Variants in CHST8 observed in about 807,000 individuals in gnomAD.
CHST8 encodes GALNAC-4-ST1.
A neutral mutation model predicts 15.0 loss-of-function variants in CHST8; 10 were observed. That is an observed-to-expected ratio of 0.67 (90% CI 0.41 to 1.13). CHST8 has a LOEUF of 1.13. CHST8 is among the 50% of genes most tolerant of loss of function. The pLI is 0.00. For synonymous variants in CHST8, 259 were observed against 256.6 expected (o/e 1.01, Z -0.09); for missense variants, 634 against 608.2 (o/e 1.04, Z -0.45).
At chr19:33,763,334 C>G (rs1974773326) in intron 3 of CHST8, among the ~76,000 whole-genome samples, 3 of 152,208 alleles carry the variant, frequency 2.0e-5, no homozygotes, top group African/African-American at 7.2e-5. Context: ...AGAAGCCCCC[C>G]ACCCAGAGGC....
At chr19:33,714,457 A>G (rs1973623300) in intron 3 of CHST8, among the ~76,000 whole-genome samples, 1 of 152,188 alleles carries the variant, frequency 6.6e-6, no homozygotes. Flanking sequence ...GTACCCATGG[A>G]CATACAGAAT....
At chr19:33,725,655 G>C (rs578252035) in intron 3 of CHST8, among the ~76,000 whole-genome samples, 1 of 152,192 alleles carries the variant, frequency 6.6e-6, no homozygotes, top group Admixed American at 6.5e-5. Context: ...GGCCTCCCTG[G>C]TCCTCACCAC....
chr19:33,635,611 G>A (rs563301644), intron 1 of CHST8, among the ~76,000 whole-genome samples: 1 of 152,070 alleles, frequency 6.6e-6, no homozygotes, highest in East Asian at 1.9e-4. Context: ...AAGATGGGTG[G>A]GGGGGTGACA....
At chr19:33,714,330 A>T (rs1973619806) in intron 3 of CHST8, among the ~76,000 whole-genome samples, 1 of 152,018 alleles carries the variant, frequency 6.6e-6, no homozygotes. Context: ...ATAAAAAAAG[A>T]ATGAAATCAT....
chr19:33,654,687 A>T (rs905064251), intron 1 of CHST8, among the ~76,000 whole-genome samples: 1 of 152,000 alleles, frequency 6.6e-6, no homozygotes, highest in Admixed American at 6.6e-5. Context: ...CCCAGAATGA[A>T]AATATAAAAA....
chr19:33,683,772 G>A (rs1429433208), intron 2 of CHST8, among the ~76,000 whole-genome samples: 5 of 152,194 alleles, frequency 3.3e-5, no homozygotes, highest in African/African-American at 4.8e-5. Flanking sequence ...TGCGATTCCC[G>A]ATTCAGAGGC....
At chr19:33,650,504 T>C (rs1457505993) in intron 1 of CHST8, among the ~76,000 whole-genome samples, 1 of 123,650 alleles carries the variant, frequency 8.1e-6, no homozygotes, top group Non-Finnish European at 1.6e-5. Context: ...TCTTTTTCTT[T>C]TTCTTTTTCT....
chr19:33,717,712 G>A (rs771602288), intron 3 of CHST8, among the ~76,000 whole-genome samples: 3 of 152,102 alleles, frequency 2.0e-5, no homozygotes, highest in South Asian at 2.1e-4. Flanking sequence ...AGCATACAGC[G>A]AGGTCCTAGG....
chr19:33,742,135 G>T (rs549589689), intron 3 of CHST8, among the ~76,000 whole-genome samples: 1 of 152,306 alleles, frequency 6.6e-6, no homozygotes, highest in Admixed American at 6.5e-5. Flanking sequence ...ATGGCTGTGG[G>T]TCCTGTTGGG....
intron 3 of CHST8, among the ~76,000 whole-genome samples, chr19:33,756,328 C>T (rs1038715533): frequency 6.6e-5 from 10 of 152,162 alleles, no homozygotes; most frequent in African/African-American, 2.2e-4. Flanking sequence ...AGTCGCGGGC[C>T]TAGGTTGCAT....
At chr19:33,757,955 G>A (rs1974636804) in intron 3 of CHST8, among the ~76,000 whole-genome samples, 1 of 152,180 alleles carries the variant, frequency 6.6e-6, no homozygotes, top group East Asian at 1.9e-4. Context: ...CCTGACTCCA[G>A]CTTCAAGGCC....
intron 3 of CHST8, among the ~76,000 whole-genome samples, chr19:33,736,757 G>T (rs747849655): frequency 1.3e-5 from 2 of 152,174 alleles, no homozygotes; most frequent in South Asian, 2.1e-4. Context: ...TACTGCAGAC[G>T]TTGGGAGTCT....
intron 2 of CHST8, among the ~76,000 whole-genome samples, chr19:33,681,461 T>C (rs1436495156): frequency 6.6e-6 from 1 of 151,956 alleles, no homozygotes; most frequent in Non-Finnish European, 1.5e-5. Context: ...CTTCCTAGAG[T>C]GTAGAACTCT....
chr19:33,757,399 A>G (rs1974571561), intron 3 of CHST8, among the ~76,000 whole-genome samples: 1 of 5,044 alleles, frequency 2.0e-4, no homozygotes, highest in East Asian at 8.1e-3. Context: ...AGAAAGAAAG[A>G]AAGAAAGAAA....
intron 3 of CHST8, among the ~76,000 whole-genome samples, chr19:33,727,868 C>T (rs1323105974): frequency 2.6e-5 from 4 of 152,226 alleles, no homozygotes; most frequent in Admixed American, 2.6e-4. Context: ...CTCTCTTTTT[C>T]GGCCTCCACT....
chr19:33,657,192 CACATACATATACAT>C (rs1363624015), intron 1 of CHST8, among the ~76,000 whole-genome samples: 1 of 151,662 alleles, frequency 6.6e-6, no homozygotes, highest in Non-Finnish European at 1.5e-5. Context: ...TACACATACA[CACATACATATACAT>C]ACACAAACAC....
intron 3 of CHST8, among the ~76,000 whole-genome samples, chr19:33,736,299 T>G (rs1042036877): frequency 6.6e-6 from 1 of 152,214 alleles, no homozygotes; most frequent in African/African-American, 2.4e-5. Flanking sequence ...GGAGCCCACC[T>G]GGGCTCTCCC....
chr19:33,712,241 G>A (rs919135910), intron 3 of CHST8, among the ~76,000 whole-genome samples: 6 of 152,210 alleles, frequency 3.9e-5, no homozygotes, highest in African/African-American at 1.4e-4. Flanking sequence ...GATTGGTGAG[G>A]GGGGATTCCC....
chr19:33,684,449 G>C (rs1182146870), intron 2 of CHST8: 1 of 152,360 alleles, frequency 6.6e-6, no homozygotes, highest in African/African-American at 2.4e-5. Context: ...CGGCAGCCCC[G>C]CCTTGGAGTC....
Sources: gnomAD v4.1 joint callset for allele counts (sites outside exome capture counted in the v4.1 genomes callset) on GRCh38, gnomAD v4.1.1 for gene constraint, MANE v1.5 for transcripts, NCBI Gene and HGNC (gene_info 2026-07-23, HGNC 2026-07-21) for gene names.